PLCD3: variants seen among roughly 807,000 people sequenced by gnomAD.
PLCD3 encodes 1-phosphatidylinositol 4,5-bisphosphate phosphodiesterase delta-3.
PLCD3 carries 62 observed loss-of-function variants against 82.8 expected under a neutral mutation model. That is an observed-to-expected ratio of 0.75 (90% CI 0.61 to 0.93). The LOEUF is 0.93. Among genes scored for constraint, PLCD3 ranks in the 40% least tolerant of loss-of-function variants. PLCD3 has a pLI of 0.00. For missense variants in PLCD3, 1,023 were observed against 1,103.4 expected, an observed-to-expected ratio of 0.93 and a Z score of 1.03; for synonymous variants, 478 against 471.8, an observed-to-expected ratio of 1.01 and a Z score of -0.17.
intron 1 of PLCD3, among the ~76,000 whole-genome samples, chr17:45,128,576 C>T (rs1453349061): frequency 2.0e-5 from 3 of 152,222 alleles, no homozygotes; most frequent in Non-Finnish European, 4.4e-5. Flanking sequence ...CGCTCAGGGG[C>T]ACTTGGTAGT....
chr17:45,131,987 G>C (rs957241248), intron 1 of PLCD3, among the ~76,000 whole-genome samples: 3 of 152,060 alleles, frequency 2.0e-5, no homozygotes, highest in African/African-American at 7.2e-5. Context: ...CCAGCGCCCC[G>C]TGCCCGAATT....
chr17:45,119,525 T>C (rs1050743235), intron 4 of PLCD3, among the ~76,000 whole-genome samples: 4 of 152,316 alleles, frequency 2.6e-5, no homozygotes, highest in African/African-American at 9.6e-5. Flanking sequence ...GGTGAGCCAC[T>C]GAGCCTGGCC....
rs751222936 is a variant in PLCD3, at chr17:45,132,282, G to A, written c.129C>T (p.Thr43=). 49 of 1,274,018 alleles carry A rather than the reference G, an allele frequency of 3.8e-5. No individual in the cohort carries two copies. Among genetic ancestry groups the A allele is most frequent in the Non-Finnish European group, 4.9e-5 (49 of 1,009,500 alleles). 78.9% of individuals were successfully genotyped at this position (1,274,018 alleles called of 1,614,324 possible). A position where few individuals can be genotyped will look rare whatever the true frequency, so the allele number is the denominator to read the frequency against. Residue 43 remains threonine (T), a synonymous_variant, in exon 1 of 15, where the codon ACC becomes ACT. Coordinates refer to ENST00000619929, the MANE Select transcript of PLCD3 (RefSeq NM_133373.5). The surrounding 1 kb of genome is among the most constrained non-coding windows in gnomAD (Gnocchi z 4.6). Reference sequence around the variant, plus strand: ...TCAGCGCCCGCAGCCCGGGCCTCTTGGTGCCGCCATCGGAGGGAGTCGGCG... The same window carrying A: ...TCAGCGCCCGCAGCCCGGGCCTCTTAGTGCCGCCATCGGAGGGAGTCGGCG... The part of the protein sequence containing the change: ...PSPPTPSDGG[T]KRPGLRALKK...
At position 45,113,188 on chromosome 17, in the gene PLCD3, G is replaced by A. The variant is rs1165928831; in HGVS notation, c.2065C>T (p.Arg689Cys). 1.2e-5 allele frequency: 19 copies of A among 1,611,586 alleles called. No homozygotes were observed. The East Asian group carries it at 1.3e-4, about 11-fold the overall frequency. Residue 689 changes from arginine (R) to cysteine (C), a missense_variant, in exon 13 of 15, where the codon CGC becomes TGC. By Grantham distance (180) the Arg-to-Cys change is radical (BLOSUM62 -3). This residue lies in a region of PLCD3 where 553 missense variants were observed against 655.7 expected (regional missense o/e 0.84). Coordinates refer to ENST00000619929, the MANE Select transcript of PLCD3 (RefSeq NM_133373.5). ...KPHSIVDPLV[R>C]IEIHGVPADC... ...GCGGGCACCCCATGGATCTCAATGC[G>A]CACCAGGGGGTCCACAATGGAGTGT...
chr17:45,114,307 G>A lies in PLCD3; in HGVS notation c.1771C>T (p.Arg591Trp), dbSNP rs1409989672. Reference sequence around the variant, plus strand: ...GGACTGTAGTTGGCTGAGTTCATCCGCAGCCCCAGCGGGTACACGCGGGTC... The same window carrying A: ...GGACTGTAGTTGGCTGAGTTCATCCACAGCCCCAGCGGGTACACGCGGGTC... ...QLTRVYPLGL[R>W]MNSANYSPQE... is the part of the protein sequence containing the mutation. The change falls in exon 11 of 15, where the codon CGG becomes TGG. Residue 591 changes from arginine to tryptophan, a missense_variant. Arg to Trp is a moderately radical substitution (Grantham distance 101, BLOSUM62 -3). Around this residue, in one of 3 missense-constraint regions of PLCD3, gnomAD observed 553 missense variants for 655.7 expected, o/e 0.84. Coordinates refer to ENST00000619929, the MANE Select transcript of PLCD3 (RefSeq NM_133373.5). The A allele has an allele frequency of 1.2e-5, 19 of 1,548,572 alleles. No homozygotes were observed. The highest frequency in any genetic ancestry group is 1.7e-4 in the Middle Eastern group (1 of 5,980).
intron 1 of PLCD3, among the ~76,000 whole-genome samples, chr17:45,125,415 A>G (rs1485291756): frequency 1.3e-5 from 2 of 152,372 alleles, no homozygotes; most frequent in Admixed American, 1.3e-4. Flanking sequence ...CCTGACCAAC[A>G]TGGTGAAACC....
chr17:45,125,520 C>T (rs979588114), intron 1 of PLCD3, among the ~76,000 whole-genome samples: 18 of 152,206 alleles, frequency 1.2e-4, no homozygotes, highest in Non-Finnish European at 2.2e-4. Flanking sequence ...TGCTTGAACC[C>T]GGAAGGCAGA....
At chr17:45,121,959 C>A (rs975633240) in intron 1 of PLCD3, among the ~76,000 whole-genome samples, 237 of 137,244 alleles carry the variant, frequency 1.7e-3, no homozygotes, top group Non-Finnish European at 1.9e-3. Context: ...TGCGTCTTAA[C>A]AAAAAAAAAA....
At chr17:45,126,347 ATTTTTTTTT>A (rs398030937) in intron 1 of PLCD3, among the ~76,000 whole-genome samples, 3 of 79,096 alleles carry the variant, frequency 3.8e-5, no homozygotes, top group Admixed American at 3.5e-4. Flanking sequence ...CGCCCAGCCT[ATTTTTTTTT>A]TTTTTTTTTT....
chr17:45,128,908 C>A (rs1017240784), intron 1 of PLCD3, among the ~76,000 whole-genome samples: 2 of 152,196 alleles, frequency 1.3e-5, no homozygotes, highest in African/African-American at 4.8e-5. Context: ...CCAGGAGGCC[C>A]CCTGCAGGTA....
rs1187406810 is a variant in PLCD3, at chr17:45,116,791, G to A, written c.1261-7C>T. The A allele has an allele frequency of 1.3e-6, 2 of 1,584,554 alleles. No homozygotes were observed. Among genetic ancestry groups the A allele is most frequent in the Admixed American group, 3.5e-5 (2 of 57,258 alleles). The stretch of plus-strand genomic sequence containing the variant: ...TGACAGGGTAAGGGGACAGCTGTGG[G>A]GGGAAGGGCAGCAGCTCAGAGCCAC... On this transcript the variant is annotated splice_polypyrimidine_tract_variant and splice_region_variant and intron_variant, in intron 7 of 14. Coordinates refer to ENST00000619929, the MANE Select transcript of PLCD3 (RefSeq NM_133373.5).
Position 45,113,199 on chromosome 17 carries a change from T to C in PLCD3, c.2054A>G (p.Asp685Gly). The C allele has an allele frequency of 6.2e-7, 1 of 1,611,640 alleles. No individual in the cohort carries two copies. ...ATGGATCTCAATGCGCACCAGGGGG[T>C]CCACAATGGAGTGTGGCTTCTCGGC... is the stretch of plus-strand genomic sequence containing the variant. Reference protein sequence around the residue: ...LNAEKPHSIVDPLVRIEIHGV... With the variant: ...LNAEKPHSIVGPLVRIEIHGV... The change falls in exon 13 of 15, where the codon GAC becomes GGC. Residue 685 changes from aspartate to glycine, a missense_variant. Around this residue, in one of 3 missense-constraint regions of PLCD3, gnomAD observed 553 missense variants for 655.7 expected, o/e 0.84. Coordinates refer to ENST00000619929, the MANE Select transcript of PLCD3 (RefSeq NM_133373.5).
chr17:45,116,367 C>T (rs755702878), intron 8 of PLCD3, among the ~76,000 whole-genome samples: 13 of 152,044 alleles, frequency 8.6e-5, no homozygotes, highest in East Asian at 1.9e-4. Context: ...CAGGACTCTA[C>T]GGGCAGGGAC....
At position 45,112,704 on chromosome 17, in the gene PLCD3, C is replaced by G. The variant is rs755649160; in HGVS notation, c.2282G>C (p.Gly761Ala). ...GGAAAGCAGGTGTATGTGGCGGTAC[C>G]CTGTAGGGAGGACAGCCAGGCCTCA... ...FTLPLSSLKQ[G>A]YRHIHLLSKD... The change falls in exon 15 of 15, where the codon GGG becomes GCG. Residue 761 changes from glycine to alanine, a missense_variant and splice_region_variant. Coordinates refer to ENST00000619929, the MANE Select transcript of PLCD3 (RefSeq NM_133373.5). The G allele has an allele frequency of 1.9e-6, 3 of 1,603,566 alleles. No individual in the cohort carries two copies. The East Asian group carries it at 6.7e-5, about 36-fold the overall frequency.
rs1056772133 is a variant in PLCD3 at position 45,120,851 on chromosome 17, G to A, written c.554+51C>T. The A allele has an allele frequency of 4.3e-6, 6 of 1,407,824 alleles. No individual in the cohort carries two copies. In the South Asian group the frequency reaches 6.1e-5, roughly 14 times the overall value. 87.2% of individuals were successfully genotyped at this position (1,407,824 alleles called of 1,614,324 possible). On this transcript the variant is annotated intron_variant, in intron 3 of 14. Transcript: ENST00000619929. The stretch of plus-strand genomic sequence containing the variant: ...GCTCTCCAAGGATGGGGCTCTCCAA[G>A]GTTAGGGCTCTCCAAGGATGGGGCC...
chr17:45,123,433 T>C (rs1282043447), intron 1 of PLCD3, among the ~76,000 whole-genome samples: 1 of 152,202 alleles, frequency 6.6e-6, no homozygotes, highest in Non-Finnish European at 1.5e-5. Flanking sequence ...ACCACAGTGC[T>C]CATCCCAGAG....
intron 11 of PLCD3, 115 bp from the exon 12 acceptor site, chr17:45,113,720 T>G: frequency 7.7e-7 from 1 of 1,293,732 alleles, no homozygotes; most frequent in Admixed American, 2.4e-5. Context: ...GTCTGCTTAG[T>G]GCTGCTCTGC....
At chr17:45,127,690 C>T (rs1364473244) in intron 1 of PLCD3, among the ~76,000 whole-genome samples, 2 of 151,908 alleles carry the variant, frequency 1.3e-5, no homozygotes, top group African/African-American at 2.4e-5. Flanking sequence ...CCAGGCGTGT[C>T]CCGGAGGGGT....
chr17:45,120,874 G>T, intron 3 of PLCD3, 28 bp downstream of exon 3: 1 of 1,412,414 alleles, frequency 7.1e-7, no homozygotes, highest in East Asian at 2.8e-5. Flanking sequence ...CAAGGATGGG[G>T]CCCTCCCTCC....
Sources: gnomAD v4.1 joint callset for allele counts (sites outside exome capture counted in the v4.1 genomes callset) on GRCh38, gnomAD v4.1.1 for gene constraint, gnomAD v4.1.1 regional missense constraint, Gnocchi (gnomAD v3.1) non-coding constraint, MANE v1.5 for transcripts, NCBI Gene and HGNC (gene_info 2026-07-23, HGNC 2026-07-21) for gene names.